Variants in UTS2B observed in about 807,000 individuals in gnomAD.
UTS2B encodes the protein urotensin-2B.
Under a neutral mutation model 19.2 loss-of-function variants are expected in UTS2B, and 21 were observed. The observed-to-expected ratio is 1.09, with a 90% CI of 0.78 to 1.58. The LOEUF (loss-of-function observed/expected upper bound fraction) is 1.58. Ranked by LOEUF, UTS2B falls within the 40% of genes most tolerant of loss-of-function variation. UTS2B has a pLI of 0.00. For synonymous variants in UTS2B, 57 were observed against 50.2 expected (o/e 1.14, Z -0.58); for missense variants, 138 against 130.3 (o/e 1.06, Z -0.29).
chr3:191,340,298 G>A, the UTS2B span, among the ~76,000 whole-genome samples: 16 of 152,106 alleles, frequency 1.1e-4, no homozygotes, highest in African/African-American at 2.4e-4. Flanking sequence ...ATTTGCTTGC[G>A]CCTTATATAC....
intron 4 of UTS2B, among the ~76,000 whole-genome samples, chr3:191,302,219 C>T (rs948542277): frequency 6.6e-6 from 1 of 152,198 alleles, no homozygotes; most frequent in African/African-American, 2.4e-5. Context: ...CTAAAAGACA[C>T]TCCCGCCAGC....
chr3:191,307,837 C>CTT (rs34254108), intron 3 of UTS2B, among the ~76,000 whole-genome samples: 6,036 of 138,372 alleles, frequency 0.044, 465 homozygotes, highest in African/African-American at 0.15. Context: ...GTTTTCTTCT[C>CTT]TTTTTTTTTT....
chr3:191,337,444 G>A, the UTS2B span, among the ~76,000 whole-genome samples: 2 of 151,218 alleles, frequency 1.3e-5, no homozygotes, highest in Admixed American at 6.6e-5. Context: ...GCCCAGGCTC[G>A]AGCGATTCTC....
At chr3:191,332,489 A>G (rs142637759), upstream of UTS2B, among the ~76,000 whole-genome samples, 20 of 152,354 alleles carry the variant, frequency 1.3e-4, no homozygotes, top group African/African-American at 4.3e-4. Context: ...GCTGTTGCCA[A>G]TATTCAGGAA....
rs1237903349 is a variant in UTS2B at position 191,282,138 on chromosome 3, A to T, written c.52T>A (p.Ser18Thr). 1 of 1,613,520 alleles carries T rather than the reference A, an allele frequency of 6.2e-7. No individual in the cohort carries two copies. Among genetic ancestry groups the T allele is most frequent in the African/African-American group, 1.3e-5 (1 of 74,902 alleles). ...ACAGATTGTAAAAAACTCAACACGG[A>T]TAACAAAGTTAGGAGTCCAAAGCAA... ...TVCFGLLTLLSVLSFLQSVHG... is the reference protein window; with the variant it reads ...TVCFGLLTLLTVLSFLQSVHG... The change falls in exon 5 of 9, where the codon TCC becomes ACC. Residue 18 changes from serine to threonine, a missense_variant. Coordinates refer to ENST00000340524, the MANE Select transcript of UTS2B (RefSeq NM_198152.5).
In UTS2B at chr3:191,325,893, A is replaced by G. The variant is rs376323595; in HGVS notation, c.-586+2738T>C. ...CTCCAGAACTGTGAAAAACATATAT[A>G]ATAATTTCTGTTATTTAAGCCATTC... On this transcript the variant is annotated intron_variant, in intron 2 of 8. Transcript: ENST00000340524. Among the ~76,000 whole-genome samples, 34 of 152,180 alleles carry G rather than the reference A, an allele frequency of 2.2e-4. 3 individuals are homozygous for G. The highest frequency in any genetic ancestry group is 1.7e-3 in the Admixed American group (26 of 15,276).
At chr3:191,273,184 C>T (rs919400533) in intron 8 of UTS2B, among the ~76,000 whole-genome samples, 2 of 152,114 alleles carry the variant, frequency 1.3e-5, no homozygotes, top group East Asian at 1.9e-4. Context: ...AAGGAGTGGC[C>T]ACATTATATC....
chr3:191,276,496 A>G (rs1716240022), intron 7 of UTS2B, among the ~76,000 whole-genome samples: 1 of 152,184 alleles, frequency 6.6e-6, no homozygotes, highest in Non-Finnish European at 1.5e-5. Context: ...CTCCCATTCT[A>G]CAGATGAGGA....
At chr3:191,316,659 A>T (rs994766471) in intron 2 of UTS2B, among the ~76,000 whole-genome samples, 1 of 152,242 alleles carries the variant, frequency 6.6e-6, no homozygotes, top group Admixed American at 6.5e-5. Context: ...TGAGCTAGAC[A>T]CAGAGTGCTG....
chr3:191,276,166 G>A (rs1716230383), intron 7 of UTS2B, among the ~76,000 whole-genome samples: 1 of 152,086 alleles, frequency 6.6e-6, no homozygotes, highest in South Asian at 2.1e-4. Flanking sequence ...GTTACTAATT[G>A]CCTTAGGCCC....
At chr3:191,330,322 C>CACACACACAA (rs1717932694) in intron 1 of UTS2B, 92 bp downstream of exon 1, 1 of 125,568 alleles carries the variant, frequency 8.0e-6, no homozygotes, top group South Asian at 3.0e-4. Flanking sequence ...CACACACACA[C>CACACACACAA]ACACACAATA....
At chr3:191,271,422 A>G (rs1716091938) in intron 8 of UTS2B, among the ~76,000 whole-genome samples, 1 of 152,150 alleles carries the variant, frequency 6.6e-6, no homozygotes, top group African/African-American at 2.4e-5. Flanking sequence ...GCAGCACCCA[A>G]TTAAAGCCTT....
chr3:191,289,225 T>C (rs1158616026), intron 4 of UTS2B, among the ~76,000 whole-genome samples: 5 of 151,870 alleles, frequency 3.3e-5, no homozygotes, highest in Non-Finnish European at 5.9e-5. Context: ...CTGGCTAACA[T>C]GGTGAAACCC....
intron 2 of UTS2B, among the ~76,000 whole-genome samples, chr3:191,316,653 C>G (rs897783507): frequency 1.3e-5 from 2 of 152,230 alleles, no homozygotes; most frequent in African/African-American, 2.4e-5. Flanking sequence ...AATCCCTGAG[C>G]TAGACACAGA....
At chr3:191,335,543 C>T in the UTS2B span, among the ~76,000 whole-genome samples, 2 of 152,026 alleles carry the variant, frequency 1.3e-5, no homozygotes, top group Admixed American at 1.3e-4. Flanking sequence ...CGCAAGAGTT[C>T]TCAGATATTG....
intron 8 of UTS2B, chr3:191,273,678 C>G (rs935569147): frequency 2.5e-6 from 1 of 401,266 alleles, no homozygotes; most frequent in Admixed American, 2.7e-5. Context: ...ATAGCCTAAG[C>G]TATACTGATT....
At chr3:191,343,051 A>G in the UTS2B span, among the ~76,000 whole-genome samples, 1 of 152,206 alleles carries the variant, frequency 6.6e-6, no homozygotes, top group South Asian at 2.1e-4. Context: ...TCAAGTGTAG[A>G]TCAGAAATAA....
At chr3:191,293,835 C>T (rs78483592) in intron 4 of UTS2B, among the ~76,000 whole-genome samples, 5,971 of 151,898 alleles carry the variant, frequency 0.039, 214 homozygotes, top group East Asian at 0.14. Context: ...CAGTGGCTCA[C>T]GCCTGTAATC....
chr3:191,336,173 A>G, the UTS2B span, among the ~76,000 whole-genome samples: 1 of 151,356 alleles, frequency 6.6e-6, no homozygotes, highest in Admixed American at 6.6e-5. Flanking sequence ...TTTGAACATA[A>G]GTTTTTGTTT....
Sources: allele counts gnomAD v4.1 joint callset (sites outside exome capture counted in the v4.1 genomes callset), GRCh38; gene constraint gnomAD v4.1.1; transcripts MANE v1.5; gene names NCBI Gene and HGNC (gene_info 2026-07-23, HGNC 2026-07-21).